Variants in EYA1 observed in about 807,000 individuals in gnomAD.
The protein encoded by EYA1 is protein phosphatase EYA1.
EYA1 carries 16 observed loss-of-function variants against 82.0 expected under a neutral mutation model. That is an observed-to-expected ratio of 0.20 (90% CI 0.13 to 0.30). The LOEUF is 0.30. EYA1 is among the 10% of genes least tolerant of loss of function. The pLI is 1.00. For missense variants in EYA1, 633 were observed against 730.7 expected (o/e 0.87, Z 1.54); for synonymous variants, 261 against 264.4 (o/e 0.99, Z 0.12).
chr8:71,450,487 T>C (rs1014841333), intron 2 of EYA1, among the ~76,000 whole-genome samples: 7 of 152,258 alleles, frequency 4.6e-5, no homozygotes, highest in African/African-American at 1.7e-4. Context: ...TCGTCTTATA[T>C]GGGCATGGTT....
intron 2 of EYA1, among the ~76,000 whole-genome samples, chr8:71,415,938 C>T (rs567871577): frequency 9.9e-5 from 15 of 152,280 alleles, no homozygotes; most frequent in East Asian, 7.7e-4. Context: ...AGGACAAGGA[C>T]GCAGTGCTTA....
At chr8:71,463,623 CTCTCTCTCTCCCTCCCT>C (rs1808558967) in intron 2 of EYA1, among the ~76,000 whole-genome samples, 1 of 113,076 alleles carries the variant, frequency 8.8e-6, no homozygotes. Context: ...CTCTCTCTCT[CTCTCTCTCTCCCTCCCT>C]CCCCCCTCCC....
chr8:71,547,464 A>G (rs575765042), intron 1 of EYA1: 1 of 152,334 alleles, frequency 6.6e-6, no homozygotes, highest in East Asian at 1.9e-4. Flanking sequence ...CCACGGCTCA[A>G]GGCCCCATTA....
intron 2 of EYA1, among the ~76,000 whole-genome samples, chr8:71,397,199 G>T (rs1394808384): frequency 6.6e-6 from 1 of 152,082 alleles, no homozygotes; most frequent in East Asian, 1.9e-4. Context: ...TGTGAGATGG[G>T]TTTCCTGAAT....
chr8:71,293,800 G>A (rs1205372429), intron 9 of EYA1, among the ~76,000 whole-genome samples: 1 of 115,592 alleles, frequency 8.7e-6, no homozygotes, highest in Non-Finnish European at 2.0e-5. Flanking sequence ...AGCTGACAAA[G>A]AACATCAAAA....
At chr8:71,505,320 G>A (rs1482917592) in intron 2 of EYA1, among the ~76,000 whole-genome samples, 2 of 152,156 alleles carry the variant, frequency 1.3e-5, no homozygotes, top group African/African-American at 4.8e-5. Context: ...GAGAAGCGCT[G>A]GCTCAAGCAA....
chr8:71,314,172 G>T (rs957074386), intron 7 of EYA1, among the ~76,000 whole-genome samples: 1 of 151,982 alleles, frequency 6.6e-6, no homozygotes, highest in Non-Finnish European at 1.5e-5. Context: ...AGGGAATTTT[G>T]AAAATAATTT....
intron 12 of EYA1, among the ~76,000 whole-genome samples, chr8:71,243,558 G>C (rs988640283): frequency 2.0e-5 from 3 of 152,144 alleles, no homozygotes; most frequent in African/African-American, 7.2e-5. Flanking sequence ...TAACTTTATT[G>C]CACTGGAAGT....
In EYA1 at chr8:71,304,826, A is replaced by G. The variant is rs1017837487; in HGVS notation, c.557-5106T>C. Among the ~76,000 whole-genome samples, 23 of 142,732 alleles carry G rather than the reference A, an allele frequency of 1.6e-4. 2 individuals carry two copies. Among genetic ancestry groups the G allele is most frequent in the African/African-American group, 5.7e-4 (23 of 40,386 alleles). The allele number at this position is 142,732 out of a possible 152,430, so 93.6% of individuals were successfully genotyped here. On this transcript the variant is annotated intron_variant, in intron 7 of 17. Coordinates refer to ENST00000340726, the MANE Select transcript of EYA1 (RefSeq NM_000503.6). ...GGGCTCCACTTTGATAGCTAATTCA[A>G]TGGAGACTTCAGTGCCAACACTACC... is the stretch of plus-strand genomic sequence containing the variant.
chr8:71,377,527 A>C (rs1485925567), intron 2 of EYA1, among the ~76,000 whole-genome samples: 1 of 152,238 alleles, frequency 6.6e-6, no homozygotes, highest in Non-Finnish European at 1.5e-5. Context: ...AAACCAATGG[A>C]CACATTTCTG....
chr8:71,271,520 T>C (rs1312763725), intron 10 of EYA1, among the ~76,000 whole-genome samples: 2 of 151,864 alleles, frequency 1.3e-5, no homozygotes, highest in African/African-American at 4.8e-5. Flanking sequence ...CTATATTTCT[T>C]TAGAGAGAAA....
intron 2 of EYA1, among the ~76,000 whole-genome samples, chr8:71,533,638 C>A (rs564351873): frequency 4.0e-4 from 61 of 152,262 alleles, no homozygotes; most frequent in Non-Finnish European, 6.6e-4. Context: ...TGTTCTAGGT[C>A]CTCTTCCCAT....
At chr8:71,246,219 A>T (rs746540116) in intron 11 of EYA1, among the ~76,000 whole-genome samples, 1 of 152,202 alleles carries the variant, frequency 6.6e-6, no homozygotes, top group Admixed American at 6.5e-5. Flanking sequence ...CCAAAGAACA[A>T]TAATTTATGA....
intron 1 of EYA1, among the ~76,000 whole-genome samples, chr8:71,542,984 T>C (rs1053377474): frequency 2.6e-5 from 4 of 152,158 alleles, no homozygotes; most frequent in African/African-American, 9.7e-5. Context: ...TTGCAGACAT[T>C]TTTTTCCCAT....
At chr8:71,336,202 T>C (rs1445780001) in intron 3 of EYA1, among the ~76,000 whole-genome samples, 2 of 152,066 alleles carry the variant, frequency 1.3e-5, no homozygotes, top group Non-Finnish European at 2.9e-5. Flanking sequence ...CTTGAAGAAA[T>C]AGTAATAAGT....
At position 71,317,704 on chromosome 8, in the gene EYA1, G is replaced by T; in HGVS notation, c.419-15C>A. 10 of 1,613,520 alleles carry T rather than the reference G, an allele frequency of 6.2e-6. No individual in the cohort carries two copies. Among genetic ancestry groups the T allele is most frequent in the Non-Finnish European group, 8.5e-6 (10 of 1,179,516 alleles). On this transcript the variant is annotated splice_polypyrimidine_tract_variant and intron_variant, in intron 6 of 17. Coordinates refer to ENST00000340726, the MANE Select transcript of EYA1 (RefSeq NM_000503.6). Reference sequence around the variant, plus strand: ...CCACAATGCACCTAAATCAGTTAGTGATAGCTTATCTATCTGTCCATTTTC... The same window carrying T: ...CCACAATGCACCTAAATCAGTTAGTTATAGCTTATCTATCTGTCCATTTTC...
At chr8:71,397,844 AC>A (rs1274615273) in intron 2 of EYA1, among the ~76,000 whole-genome samples, 1 of 152,096 alleles carries the variant, frequency 6.6e-6, no homozygotes, top group Non-Finnish European at 1.5e-5. Context: ...CTGCCTTGCC[AC>A]GTTGTGGAAG....
intron 4 of EYA1, among the ~76,000 whole-genome samples, chr8:71,331,618 A>T (rs569522060): frequency 6.4e-4 from 97 of 152,168 alleles, no homozygotes; most frequent in African/African-American, 2.1e-3. Context: ...CCATATACAC[A>T]GGCCCATATA....
chr8:71,415,453 G>A (rs750336899), intron 2 of EYA1, among the ~76,000 whole-genome samples: 7 of 152,164 alleles, frequency 4.6e-5, no homozygotes, highest in Non-Finnish European at 1.0e-4. Flanking sequence ...ATGATACAAC[G>A]TGAGCTTACA....
Sources: gnomAD v4.1 joint callset for allele counts (sites outside exome capture counted in the v4.1 genomes callset) on GRCh38, gnomAD v4.1.1 for gene constraint, MANE v1.5 for transcripts, NCBI Gene and HGNC (gene_info 2026-07-23, HGNC 2026-07-21) for gene names.